TGFBR3: variants seen among roughly 807,000 people sequenced by gnomAD.
The protein encoded by TGFBR3 is transforming growth factor beta receptor 3, also known as transforming growth factor beta receptor type 3.
In TGFBR3, 46 loss-of-function variants were observed where a neutral mutation model predicts 87.9. The ratio of observed to expected loss-of-function variants is 0.52; its 90% CI spans 0.41 to 0.67. The LOEUF is 0.67. Among genes scored for constraint, TGFBR3 ranks in the 30% least tolerant of loss-of-function variants. The pLI, the probability that TGFBR3 is intolerant of heterozygous loss-of-function variation, is 0.00. For synonymous variants in TGFBR3, 381 were observed against 391.6 expected, an observed-to-expected ratio of 0.97 and a Z score of 0.32; for missense variants, 866 against 1,041.9, an observed-to-expected ratio of 0.83 and a Z score of 2.32.
At position 91,828,475 on chromosome 1, in the gene TGFBR3, G is replaced by A. The variant is rs1023145681; in HGVS notation, c.62-31004C>T. Among the ~76,000 whole-genome samples the A allele has an allele frequency of 3.9e-5, 6 of 152,176 alleles. No homozygotes were observed. The East Asian group carries it at 9.6e-4, about 24-fold the overall frequency. On this transcript the variant is annotated intron_variant, in intron 2 of 16. Transcript: ENST00000212355. ...AAACGAACAGGACACTTGTGGTTAC[G>A]CTTTGACTTAAATCCTTAGTTAAAG... is the stretch of plus-strand genomic sequence containing the variant.
intron 2 of TGFBR3, among the ~76,000 whole-genome samples, chr1:91,823,907 G>A (rs978815491): frequency 2.6e-5 from 4 of 152,162 alleles, no homozygotes; most frequent in Non-Finnish European, 4.4e-5. Context: ...AGGTGGGAGG[G>A]TTGCTTAAAC....
intron 3 of TGFBR3, among the ~76,000 whole-genome samples, chr1:91,764,575 G>GGCT (rs1674103153): frequency 6.6e-6 from 1 of 152,048 alleles, no homozygotes; most frequent in Admixed American, 6.6e-5. Flanking sequence ...CAGCTCCCCC[G>GGCT]GCTGCGGAGA....
In TGFBR3 at chr1:91,720,177, G is replaced by A. The variant is rs769144659; in HGVS notation, c.1129C>T (p.Leu377=). 2 of 1,612,960 alleles carry A rather than the reference G, an allele frequency of 1.2e-6. No individual in the cohort carries two copies. The highest frequency in any genetic ancestry group is 3.3e-5 in the Admixed American group (2 of 59,880). The change falls in exon 9 of 17, where the codon CTG becomes TTG. Residue 377 remains leucine (L), a synonymous_variant. Transcript: ENST00000212355. ...GCAGGCAGGGCACCAGGGTCCAGCAGGATCCGTAGCTCAGGAGGAATAGTG... is the reference window on the plus strand; with the variant it reads ...GCAGGCAGGGCACCAGGGTCCAGCAAGATCCGTAGCTCAGGAGGAATAGTG... The part of the protein sequence containing the change: ...VHTIPPELRI[L]LDPGALPALQ...
chr1:91,747,652 T>C (rs916206674), intron 4 of TGFBR3, among the ~76,000 whole-genome samples: 4 of 151,366 alleles, frequency 2.6e-5, no homozygotes, highest in Non-Finnish European at 4.4e-5. Context: ...TCCCCAGCTA[T>C]GCAATCAAAC....
chr1:91,748,658 A>G (rs1269258973), intron 4 of TGFBR3, among the ~76,000 whole-genome samples: 1 of 152,146 alleles, frequency 6.6e-6, no homozygotes, highest in African/African-American at 2.4e-5. Context: ...ATAAAATCAT[A>G]GTCATGCCCT....
At chr1:91,768,427 G>A (rs550960983) in intron 3 of TGFBR3, among the ~76,000 whole-genome samples, 3 of 152,244 alleles carry the variant, frequency 2.0e-5, no homozygotes, top group South Asian at 2.1e-4. Context: ...ATTTGGTAAC[G>A]AATGAATGAC....
chr1:91,800,860 G>A (rs1675597800), intron 2 of TGFBR3: 1 of 165,562 alleles, frequency 6.0e-6, no homozygotes, highest in Non-Finnish European at 1.3e-5. Flanking sequence ...CGAAGCGGGT[G>A]GATCACCTGA....
intron 16 of TGFBR3, among the ~76,000 whole-genome samples, chr1:91,688,735 G>A (rs1671176163): frequency 6.6e-6 from 1 of 152,102 alleles, no homozygotes; most frequent in African/African-American, 2.4e-5. Context: ...TGTTCTTAAA[G>A]CAAAAGTCAA....
chr1:91,797,861 CA>C (rs578216925), intron 2 of TGFBR3, among the ~76,000 whole-genome samples: 12 of 152,128 alleles, frequency 7.9e-5, no homozygotes, highest in Non-Finnish European at 1.8e-4. Context: ...TTGCACTTAA[CA>C]AAAGTATAAG....
chr1:91,870,054 A>G (rs1678527640), intron 1 of TGFBR3, among the ~76,000 whole-genome samples: 1 of 152,248 alleles, frequency 6.6e-6, no homozygotes. Context: ...ATAAGAATAA[A>G]CAGAATATTA....
At chr1:91,887,812 T>C (rs1331716495), upstream of TGFBR3, among the ~76,000 whole-genome samples, 1 of 152,206 alleles carries the variant, frequency 6.6e-6, no homozygotes, top group Non-Finnish European at 1.5e-5. Context: ...CATTGAGCAC[T>C]GACTATGGGA....
At chr1:91,855,952 T>G (rs752339996) in intron 2 of TGFBR3, among the ~76,000 whole-genome samples, 17 of 152,088 alleles carry the variant, frequency 1.1e-4, no homozygotes, top group Non-Finnish European at 2.5e-4. Flanking sequence ...TAATTTCTAA[T>G]CAAGAGGCAT....
At chr1:91,849,591 C>T (rs1182476529) in intron 2 of TGFBR3, among the ~76,000 whole-genome samples, 1 of 152,184 alleles carries the variant, frequency 6.6e-6, no homozygotes, top group South Asian at 2.1e-4. Context: ...TTTTATTCGA[C>T]GAACCTGCTG....
At chr1:91,902,095 T>G (rs1337781701) in intron 1 of TGFBR3, among the ~76,000 whole-genome samples, 1 of 152,178 alleles carries the variant, frequency 6.6e-6, no homozygotes, top group African/African-American at 2.4e-5. Flanking sequence ...TACATCCTTA[T>G]AAGTTAAATA....
chr1:91,685,613 C>T (rs892797471), intron 16 of TGFBR3, among the ~76,000 whole-genome samples: 2 of 152,124 alleles, frequency 1.3e-5, no homozygotes, highest in African/African-American at 2.4e-5. Context: ...TGAGCCACCA[C>T]GCCCGGCTGA....
intron 2 of TGFBR3, among the ~76,000 whole-genome samples, chr1:91,827,484 AT>A (rs1435575534): frequency 2.2e-4 from 33 of 152,202 alleles, no homozygotes; most frequent in Admixed American, 2.2e-3. Context: ...AAAAACTGCT[AT>A]TACCAAAGTA....
chr1:91,865,805 G>A (rs1175650988), intron 1 of TGFBR3, among the ~76,000 whole-genome samples: 6 of 151,896 alleles, frequency 4.0e-5, no homozygotes, highest in Admixed American at 2.0e-4. Context: ...CCAGCTACTC[G>A]GGAGGCTGAG....
chr1:91,826,781 C>T (rs888084528), intron 2 of TGFBR3, among the ~76,000 whole-genome samples: 1 of 149,262 alleles, frequency 6.7e-6, no homozygotes, highest in Admixed American at 6.7e-5. Flanking sequence ...CCACCTGATG[C>T]CTGTCTCCCC....
At chr1:91,701,711 T>C (rs1230506979) in intron 14 of TGFBR3, among the ~76,000 whole-genome samples, 1 of 152,136 alleles carries the variant, frequency 6.6e-6, no homozygotes, top group African/African-American at 2.4e-5. Flanking sequence ...AATTTGGTAC[T>C]AGGCACCATA....
Sources: gnomAD v4.1 joint callset for allele counts (sites outside exome capture counted in the v4.1 genomes callset) on GRCh38, gnomAD v4.1.1 for gene constraint, MANE v1.5 for transcripts, NCBI Gene and HGNC (gene_info 2026-07-23, HGNC 2026-07-21) for gene names.